Variants in IGSF21 observed in about 807,000 individuals in gnomAD.
IGSF21 encodes immunoglobulin superfamily member 21.
A neutral mutation model predicts 46.8 loss-of-function variants in IGSF21; 28 were observed. The ratio of observed to expected loss-of-function variants is 0.60; its 90% CI spans 0.44 to 0.82. IGSF21 has a LOEUF of 0.82. IGSF21 is among the 40% of genes least tolerant of loss of function. The probability of loss-of-function intolerance (pLI) is 0.00; values close to 1 mark genes in which losing one functional copy is unlikely to be tolerated. For missense variants in IGSF21, 624 were observed against 665.5 expected (o/e 0.94, Z 0.69); for synonymous variants, 284 against 273.6 (o/e 1.04, Z -0.38).
chr1:18,261,841 A>G (rs371326295), intron 2 of IGSF21, among the ~76,000 whole-genome samples: 1 of 152,120 alleles, frequency 6.6e-6, no homozygotes, highest in African/African-American at 2.4e-5. Context: ...TTTGAGTACA[A>G]ATCATGTATT....
intron 1 of IGSF21, among the ~76,000 whole-genome samples, chr1:18,182,121 C>T (rs922937059): frequency 6.6e-6 from 1 of 151,492 alleles, no homozygotes; most frequent in Admixed American, 6.6e-5. Context: ...AGCTTTCCTT[C>T]CTTTCCTTCC....
rs773301784 is a variant in IGSF21 at position 18,365,681 on chromosome 1, G to C, written c.999G>C (p.Gln333His). 5.6e-6 allele frequency: 9 copies of C among 1,612,904 alleles called. No homozygotes were observed. The Admixed American group carries it at 1.2e-4, about 21-fold the overall frequency. ...VKHPALSMPM[Q>H]AEVTLVAPKG... The stretch of plus-strand genomic sequence containing the variant: ...ACCCAGCTCTGTCGATGCCCATGCA[G>C]GCAGAGGTCACGCTGGGTAAGACTT... Residue 333 changes from glutamine (Q) to histidine (H), a missense_variant, in exon 6 of 10, where the codon CAG becomes CAC. Gln to His is a conservative substitution (Grantham distance 24). Transcript: ENST00000251296. The surrounding 1 kb of genome is among the most constrained non-coding windows in gnomAD (Gnocchi z 4.8).
intron 1 of IGSF21, among the ~76,000 whole-genome samples, chr1:18,187,789 G>T (rs1273195495): frequency 1.3e-5 from 2 of 152,034 alleles, no homozygotes; most frequent in African/African-American, 2.4e-5. Context: ...AATTTTTTCT[G>T]GGGGGGTGGG....
intron 2 of IGSF21, among the ~76,000 whole-genome samples, chr1:18,244,705 T>G (rs1426368247): frequency 6.6e-6 from 1 of 152,236 alleles, no homozygotes; most frequent in African/African-American, 2.4e-5. Flanking sequence ...AACTGGTAAT[T>G]GCACATTGAT....
At position 18,359,370 on chromosome 1, in the gene IGSF21, GAAAGAAAGAAA is replaced by G. The variant is rs1557659556; in HGVS notation, c.425-2744_425-2734del. 1.1e-3 allele frequency among the ~76,000 whole-genome samples: 117 copies of G among 103,262 alleles called. 1 individual carries two copies. The highest frequency in any genetic ancestry group is 4.2e-3 in the African/African-American group (112 of 26,422). The allele number at this position is 103,262 out of a possible 152,430, so 67.7% of individuals were successfully genotyped here. ...AGAAAGAAAGAAAGAAAGAAAGAAA[GAAAGAAAGAAA>G]GAAAGGAAGGAAGGAAGGAAGGAAG... On this transcript the variant is annotated intron_variant, in intron 4 of 9. Transcript: ENST00000251296.
chr1:18,133,975 C>T (rs12131391), intron 1 of IGSF21, among the ~76,000 whole-genome samples: 34,395 of 152,164 alleles, frequency 0.23, 4,112 homozygotes, highest in Non-Finnish European at 0.27. Flanking sequence ...AGCTAAATCC[C>T]TTATTTAAGA....
At chr1:18,344,677 G>T (rs1202729087) in intron 4 of IGSF21, among the ~76,000 whole-genome samples, 1 of 152,084 alleles carries the variant, frequency 6.6e-6, no homozygotes, top group Non-Finnish European at 1.5e-5. Context: ...GTGGTCCAAG[G>T]GGCAGGGTAG....
At chr1:18,245,307 T>C (rs188478378) in intron 2 of IGSF21, among the ~76,000 whole-genome samples, 6 of 152,312 alleles carry the variant, frequency 3.9e-5, no homozygotes, top group Non-Finnish European at 5.9e-5. Flanking sequence ...AATCATATGG[T>C]TTTTCTCCTT....
At chr1:18,151,191 A>G (rs1307426815) in intron 1 of IGSF21, among the ~76,000 whole-genome samples, 2 of 152,218 alleles carry the variant, frequency 1.3e-5, no homozygotes, top group African/African-American at 4.8e-5. Context: ...GTCCTTCATG[A>G]GCCACTTGTC....
intron 3 of IGSF21, among the ~76,000 whole-genome samples, chr1:18,296,991 T>A (rs1371306603): frequency 6.6e-6 from 1 of 152,208 alleles, no homozygotes; most frequent in Non-Finnish European, 1.5e-5. Flanking sequence ...CCTTGGCCAA[T>A]GCTCTTTGCC....
intron 3 of IGSF21, among the ~76,000 whole-genome samples, chr1:18,332,721 A>G (rs1192017820): frequency 6.6e-6 from 1 of 152,114 alleles, no homozygotes; most frequent in Non-Finnish European, 1.5e-5. Flanking sequence ...CCCTGATGAA[A>G]AGCTTCCCAT....
At chr1:18,320,517 C>T (rs2085590681) in intron 3 of IGSF21, among the ~76,000 whole-genome samples, 1 of 152,142 alleles carries the variant, frequency 6.6e-6, no homozygotes, top group Non-Finnish European at 1.5e-5. Context: ...CAGGTTTGGC[C>T]CCGGGTCATC....
At position 18,213,788 on chromosome 1, in the gene IGSF21, G is replaced by A. The variant is rs193031909; in HGVS notation, c.71-14110G>A. 2.1e-4 allele frequency among the ~76,000 whole-genome samples: 32 copies of A among 152,270 alleles called. 1 individual carries two copies. The highest frequency in any genetic ancestry group is 7.7e-4 in the East Asian group (4 of 5,172). On this transcript the variant is annotated intron_variant, in intron 1 of 9. Transcript: ENST00000251296. ...AGAACGTGAGGTCCCAGGTGGACCC[G>A]GAATTGGCAGGCCCAGCATTGCATC... is the stretch of plus-strand genomic sequence containing the variant.
chr1:18,228,530 C>T (rs2084592442), intron 2 of IGSF21, among the ~76,000 whole-genome samples: 1 of 152,092 alleles, frequency 6.6e-6, no homozygotes, highest in Non-Finnish European at 1.5e-5. Flanking sequence ...ACCCACCTGC[C>T]CAGGGCCCAG....
chr1:18,128,838 T>C (rs2086295267), intron 1 of IGSF21, among the ~76,000 whole-genome samples: 1 of 151,754 alleles, frequency 6.6e-6, no homozygotes, highest in Non-Finnish European at 1.5e-5. Context: ...CATGGGAGGA[T>C]GATGGAGGGA....
intron 3 of IGSF21, among the ~76,000 whole-genome samples, chr1:18,295,524 CG>C (rs2085304171): frequency 6.6e-6 from 1 of 152,240 alleles, no homozygotes; most frequent in Admixed American, 6.5e-5. Context: ...GGTGCAGTAC[CG>C]GGAAGGAATG....
In IGSF21 at chr1:18,219,701, A is replaced by G. The variant is rs530921906; in HGVS notation, c.71-8197A>G. Among the ~76,000 whole-genome samples the G allele has an allele frequency of 1.9e-4, 29 of 152,290 alleles. No homozygotes were observed. The South Asian group carries it at 5.8e-3, about 31-fold the overall frequency. ...TGGCAAATAGGGGAAACATCACATC[A>G]TTGTAGGGCCTGTTTCCTTGTGGTG... On this transcript the variant is annotated intron_variant, in intron 1 of 9. Coordinates refer to ENST00000251296, the MANE Select transcript of IGSF21 (RefSeq NM_032880.5).
intron 1 of IGSF21, among the ~76,000 whole-genome samples, chr1:18,190,431 C>T (rs10907291): frequency 0.12 from 18,664 of 152,210 alleles, 1,544 homozygotes; most frequent in Admixed American, 0.3. Context: ...TGCCAGTGTG[C>T]GTGTGATGTG....
intron 1 of IGSF21, among the ~76,000 whole-genome samples, chr1:18,211,307 C>A (rs1390539082): frequency 6.6e-6 from 1 of 152,198 alleles, no homozygotes; most frequent in African/African-American, 2.4e-5. Flanking sequence ...CAAGAAGAGT[C>A]CATTCCCTTG....
Sources: allele counts gnomAD v4.1 joint callset (sites outside exome capture counted in the v4.1 genomes callset), GRCh38; gene constraint gnomAD v4.1.1; non-coding constraint Gnocchi (gnomAD v3.1); transcripts MANE v1.5; gene names NCBI Gene and HGNC (gene_info 2026-07-23, HGNC 2026-07-21).